EHBP1: variants seen among roughly 807,000 people sequenced by gnomAD.
EHBP1 encodes EH domain-binding protein 1.
EHBP1 carries 55 observed loss-of-function variants against 144.0 expected under a neutral mutation model. The observed-to-expected ratio is 0.38, with a 90% confidence interval of 0.31 to 0.48. EHBP1 has a LOEUF of 0.48. Ranked by LOEUF, EHBP1 falls within the 20% of genes least tolerant of loss-of-function variation. The pLI, the probability that EHBP1 is intolerant of heterozygous loss-of-function variation, is 0.98. For missense variants in EHBP1, 1,200 were observed against 1,364.2 expected, an observed-to-expected ratio of 0.88 and a Z score of 1.90; for synonymous variants, 469 against 472.7, an observed-to-expected ratio of 0.99 and a Z score of 0.10.
chr2:62,823,668 T>A (rs1344442242), intron 5 of EHBP1, among the ~76,000 whole-genome samples: 1 of 152,060 alleles, frequency 6.6e-6, no homozygotes, highest in East Asian at 1.9e-4. Flanking sequence ...CTGTGAAAGA[T>A]CCCCATATTT....
At chr2:62,908,644 T>C (rs2053978620) in intron 10 of EHBP1, among the ~76,000 whole-genome samples, 1 of 152,092 alleles carries the variant, frequency 6.6e-6, no homozygotes, top group Non-Finnish European at 1.5e-5. Context: ...TACTTCCTAA[T>C]TTTTTTTATT....
intron 2 of EHBP1, among the ~76,000 whole-genome samples, chr2:62,741,786 A>C (rs976091860): frequency 1.3e-5 from 2 of 152,170 alleles, no homozygotes; most frequent in African/African-American, 2.4e-5. Context: ...AGGGAAAAAA[A>C]CCAATAGAAA....
At chr2:62,700,384 GCAGGAACTGCATCT>G (rs2034243064) in intron 1 of EHBP1, among the ~76,000 whole-genome samples, 1 of 152,016 alleles carries the variant, frequency 6.6e-6, no homozygotes, top group Admixed American at 6.6e-5. Context: ...AGTCAATTTG[GCAGGAACTGCATCT>G]CAATTGAGGG....
intron 10 of EHBP1, among the ~76,000 whole-genome samples, chr2:62,911,628 A>AT (rs1188063341): frequency 1.3e-5 from 2 of 151,984 alleles, no homozygotes; most frequent in Admixed American, 1.3e-4. Flanking sequence ...CGGCCAGCTA[A>AT]TTTTTGTATT....
At chr2:62,712,169 C>G (rs2035205646) in intron 2 of EHBP1, among the ~76,000 whole-genome samples, 2 of 152,138 alleles carry the variant, frequency 1.3e-5, no homozygotes, top group South Asian at 4.1e-4. Context: ...GGATCCAGAA[C>G]ACAAGTGGAA....
At chr2:62,904,485 C>T (rs1057487250) in intron 10 of EHBP1, among the ~76,000 whole-genome samples, 1 of 152,196 alleles carries the variant, frequency 6.6e-6, no homozygotes. Context: ...AAGGTTACCC[C>T]ATGAGTTAGG....
At chr2:62,796,834 T>C (rs1275802815) in intron 5 of EHBP1, among the ~76,000 whole-genome samples, 1 of 152,066 alleles carries the variant, frequency 6.6e-6, no homozygotes, top group Non-Finnish European at 1.5e-5. Flanking sequence ...GACTTTTTTT[T>C]TTTTTTTTAA....
intron 7 of EHBP1, among the ~76,000 whole-genome samples, chr2:62,833,237 G>A (rs529124163): frequency 6.6e-6 from 1 of 152,308 alleles, no homozygotes; most frequent in Non-Finnish European, 1.5e-5. Flanking sequence ...GCTAGCAGAG[G>A]TTGGTTCATA....
At position 62,855,238 on chromosome 2, in the gene EHBP1, C is replaced by T. The variant is rs907983075; in HGVS notation, c.635-3931C>T. Among the ~76,000 whole-genome samples, 3 of 152,318 alleles carry T rather than the reference C, an allele frequency of 2.0e-5. No individual in the cohort carries two copies. The East Asian group carries it at 5.8e-4, about 29-fold the overall frequency. On this transcript the variant is annotated intron_variant, in intron 7 of 22. Coordinates refer to ENST00000431489, the MANE Select transcript of EHBP1 (RefSeq NM_001142616.3). Reference sequence around the variant, plus strand: ...CTTGGAACAAAGTTGGAGCTGAGCTCGGGTGCTGTCACAGCCCGGCCAGGT... The same window carrying T: ...CTTGGAACAAAGTTGGAGCTGAGCTTGGGTGCTGTCACAGCCCGGCCAGGT...
chr2:63,041,279 G>A (rs1295132039), intron 21 of EHBP1, among the ~76,000 whole-genome samples: 1 of 152,148 alleles, frequency 6.6e-6, no homozygotes, highest in Non-Finnish European at 1.5e-5. Context: ...GAACTAAGTT[G>A]TAGGATCCCT....
intron 1 of EHBP1, among the ~76,000 whole-genome samples, chr2:62,675,183 G>T (rs937700620): frequency 1.3e-5 from 2 of 152,190 alleles, no homozygotes; most frequent in African/African-American, 4.8e-5. Flanking sequence ...TTAGAAAGGA[G>T]CCATTAAAAG....
intron 7 of EHBP1, chr2:62,858,372 C>G: frequency 7.0e-7 from 1 of 1,421,528 alleles, no homozygotes. Flanking sequence ...AATGACCTTA[C>G]CTTATATTTG....
At chr2:62,822,779 A>G (rs1433789623) in intron 5 of EHBP1, among the ~76,000 whole-genome samples, 2 of 152,168 alleles carry the variant, frequency 1.3e-5, no homozygotes, top group Non-Finnish European at 2.9e-5. Context: ...TGAGGCTTAG[A>G]TACATGAAGA....
chr2:63,004,443 C>G (rs924261523), intron 19 of EHBP1, among the ~76,000 whole-genome samples: 1 of 151,962 alleles, frequency 6.6e-6, no homozygotes, highest in African/African-American at 2.4e-5. Flanking sequence ...TTTTCCCCCA[C>G]AATATGGTCT....
intron 7 of EHBP1, among the ~76,000 whole-genome samples, chr2:62,857,337 A>G (rs1192277686): frequency 2.0e-5 from 3 of 152,214 alleles, no homozygotes; most frequent in East Asian, 1.9e-4. Flanking sequence ...CAAGGACAAT[A>G]CCATGTTTGT....
upstream of EHBP1, among the ~76,000 whole-genome samples, chr2:62,705,241 G>A (rs1402251197): frequency 6.6e-6 from 1 of 152,028 alleles, no homozygotes; most frequent in Non-Finnish European, 1.5e-5. Flanking sequence ...AGGTCCTGGC[G>A]GAGATGAGAA....
At chr2:62,828,340 A>G (rs1418078128) in intron 6 of EHBP1, among the ~76,000 whole-genome samples, 1 of 152,242 alleles carries the variant, frequency 6.6e-6, no homozygotes, top group Non-Finnish European at 1.5e-5. Context: ...TTTGAAATTT[A>G]AGGTGAAAAT....
intron 12 of EHBP1, among the ~76,000 whole-genome samples, chr2:62,944,630 ATAAT>A (rs1233296975): frequency 1.3e-5 from 2 of 152,234 alleles, no homozygotes; most frequent in Admixed American, 6.5e-5. Flanking sequence ...ATTTTCCCAC[ATAAT>A]TAATCAATAT....
chr2:62,681,340 G>GTATATATATATATATA (rs768323831), intron 1 of EHBP1, among the ~76,000 whole-genome samples: 2,816 of 58,428 alleles, frequency 0.048, 268 homozygotes, highest in East Asian at 0.1. Context: ...ATGTGTGTGT[G>GTATATATATATATATA]TATATATATA....
Sources: gnomAD v4.1 joint callset for allele counts (sites outside exome capture counted in the v4.1 genomes callset) on GRCh38, gnomAD v4.1.1 for gene constraint, MANE v1.5 for transcripts, NCBI Gene and HGNC (gene_info 2026-07-23, HGNC 2026-07-21) for gene names.